Variants in CHN2 observed in about 807,000 individuals in gnomAD.
The protein encoded by CHN2 is chimerin 2.
A neutral mutation model predicts 56.3 loss-of-function variants in CHN2; 35 were observed. The observed-to-expected ratio is 0.62, with a 90% CI of 0.47 to 0.82. CHN2 has a LOEUF of 0.82. Ranked by LOEUF, CHN2 falls within the 40% of genes least tolerant of loss-of-function variation. The pLI, the probability that CHN2 is intolerant of heterozygous loss-of-function variation, is 0.00. For synonymous variants in CHN2, 210 were observed against 212.8 expected (o/e 0.99, Z 0.12); for missense variants, 491 against 580.5 (o/e 0.85, Z 1.58).
At chr7:29,241,143 T>G (rs1787647245) in intron 1 of CHN2, among the ~76,000 whole-genome samples, 1 of 152,084 alleles carries the variant, frequency 6.6e-6, no homozygotes, top group Non-Finnish European at 1.5e-5. Context: ...GCCTCGGCCT[T>G]CCAAAGTGCT....
intron 2 of CHN2, among the ~76,000 whole-genome samples, chr7:29,155,685 C>A (rs370080146): frequency 6.6e-6 from 1 of 152,210 alleles, no homozygotes; most frequent in East Asian, 1.9e-4. Context: ...GTCCTGCTTC[C>A]GTGTTTTTAA....
chr7:29,277,634 C>T (rs1791342697), intron 1 of CHN2, among the ~76,000 whole-genome samples: 1 of 152,202 alleles, frequency 6.6e-6, no homozygotes, highest in African/African-American at 2.4e-5. Flanking sequence ...TGTCTTTGAG[C>T]TGTCCTGAAC....
intron 7 of CHN2, among the ~76,000 whole-genome samples, chr7:29,492,261 C>T (rs1788745364): frequency 1.3e-5 from 2 of 152,060 alleles, no homozygotes; most frequent in East Asian, 1.9e-4. Context: ...TCAAAGATAA[C>T]CTGTTTTGGT....
At chr7:29,484,500 G>A (rs982907828) in intron 7 of CHN2, among the ~76,000 whole-genome samples, 14 of 152,102 alleles carry the variant, frequency 9.2e-5, no homozygotes, top group African/African-American at 2.7e-4. Flanking sequence ...AGTCCTTGGC[G>A]TTCTTTGTCT....
intron 6 of CHN2, among the ~76,000 whole-genome samples, chr7:29,438,183 C>T (rs1320651821): frequency 6.6e-6 from 1 of 152,230 alleles, no homozygotes; most frequent in Non-Finnish European, 1.5e-5. Context: ...GAAGCAGTTC[C>T]CAAGGGGGCA....
At chr7:29,323,148 C>T (rs1407322882) in intron 1 of CHN2, among the ~76,000 whole-genome samples, 1 of 150,248 alleles carries the variant, frequency 6.7e-6, no homozygotes, top group South Asian at 2.1e-4. Flanking sequence ...AGTGAGAATC[C>T]GTCCCCCCCG....
At chr7:29,497,722 T>C (rs1789453359) in intron 8 of CHN2, among the ~76,000 whole-genome samples, 1 of 152,200 alleles carries the variant, frequency 6.6e-6, no homozygotes, top group African/African-American at 2.4e-5. Context: ...TTGTAAAAAA[T>C]GGAGCATTTT....
At chr7:29,396,459 CAAAAA>C (rs35163855) in intron 4 of CHN2, among the ~76,000 whole-genome samples, 7 of 56,506 alleles carry the variant, frequency 1.2e-4, no homozygotes, top group African/African-American at 5.1e-4. Context: ...AGACTCTCTC[CAAAAA>C]AAAAAAAAAA....
chr7:29,220,831 CT>C (rs1448564642), intron 1 of CHN2, among the ~76,000 whole-genome samples: 1 of 152,094 alleles, frequency 6.6e-6, no homozygotes, highest in African/African-American at 2.4e-5. Context: ...CTGACAAGAA[CT>C]TACTAGTAAA....
intron 6 of CHN2, among the ~76,000 whole-genome samples, chr7:29,461,049 A>G (rs147139498): frequency 2.0e-5 from 3 of 152,236 alleles, no homozygotes; most frequent in Non-Finnish European, 4.4e-5. Flanking sequence ...CATCAATTCT[A>G]TTCTCATGTA....
intron 3 of CHN2, among the ~76,000 whole-genome samples, chr7:29,389,499 A>G (rs75912697): frequency 0.077 from 11,755 of 152,196 alleles, 610 homozygotes; most frequent in East Asian, 0.19. Flanking sequence ...CTGGTTCGAG[A>G]TGGGGATGCT....
intron 2 of CHN2, among the ~76,000 whole-genome samples, chr7:29,179,985 A>T (rs375479980): frequency 6.6e-6 from 1 of 152,224 alleles, no homozygotes; most frequent in Admixed American, 6.5e-5. Context: ...GTATTTTCAA[A>T]TGATTATATT....
At chr7:29,370,516 G>A (rs1002478062) in intron 3 of CHN2, among the ~76,000 whole-genome samples, 1 of 152,048 alleles carries the variant, frequency 6.6e-6, no homozygotes, top group Non-Finnish European at 1.5e-5. Flanking sequence ...CTTCTACGCA[G>A]CTCTGGGCCC....
intron 1 of CHN2, among the ~76,000 whole-genome samples, chr7:29,269,808 G>A (rs767123713): frequency 7.0e-4 from 107 of 152,238 alleles, no homozygotes; most frequent in Non-Finnish European, 1.2e-3. Flanking sequence ...GCTGGGAACG[G>A]TGTGGCTCCC....
At chr7:29,165,272 TTAAGTTCA>T (rs1165705809) in intron 2 of CHN2, among the ~76,000 whole-genome samples, 7 of 152,204 alleles carry the variant, frequency 4.6e-5, no homozygotes, top group Admixed American at 2.6e-4. Flanking sequence ...AAACCAATAC[TTAAGTTCA>T]TATTTTCTGC....
intron 2 of CHN2, among the ~76,000 whole-genome samples, chr7:29,151,687 T>C (rs544693612): frequency 6.6e-6 from 1 of 152,342 alleles, no homozygotes; most frequent in African/African-American, 2.4e-5. Flanking sequence ...ATTAAGGGCA[T>C]GGCCTTAGGA....
At chr7:29,485,737 A>G (rs1000534034) in intron 7 of CHN2, among the ~76,000 whole-genome samples, 10 of 152,150 alleles carry the variant, frequency 6.6e-5, no homozygotes, top group African/African-American at 1.7e-4. Flanking sequence ...CATTTAAATC[A>G]TCAGTTGGGG....
At chr7:29,473,005 T>C (rs6954383) in intron 6 of CHN2, among the ~76,000 whole-genome samples, 1,967 of 152,284 alleles carry the variant, frequency 0.013, 39 homozygotes, top group African/African-American at 0.045. Context: ...TTTAAAATCA[T>C]ACTAATATAC....
rs749693379 is a variant in CHN2 at position 29,509,292 on chromosome 7, A to C, written c.1130-9A>C. On this transcript the variant is annotated splice_polypyrimidine_tract_variant and intron_variant, in intron 11 of 12. Transcript: ENST00000222792. ...CTGAACTAATACCCATCATGCGTGAACTTCACAGAAATCTCCAATGCAGAT... is the reference window on the plus strand; with the variant it reads ...CTGAACTAATACCCATCATGCGTGACCTTCACAGAAATCTCCAATGCAGAT... 4.4e-6 allele frequency: 7 copies of C among 1,607,890 alleles called. No individual in the cohort carries two copies. The highest frequency in any genetic ancestry group is 1.1e-5 in the South Asian group (1 of 90,948).
Sources: gnomAD v4.1 joint callset for allele counts (sites outside exome capture counted in the v4.1 genomes callset) on GRCh38, gnomAD v4.1.1 for gene constraint, MANE v1.5 for transcripts, NCBI Gene and HGNC (gene_info 2026-07-23, HGNC 2026-07-21) for gene names.